The following DOCK1 variants were observed in gnomAD, a reference collection of about 807,000 sequenced individuals.
The protein encoded by DOCK1 is dedicator of cytokinesis 1.
DOCK1 carries 138 observed loss-of-function variants against 262.7 expected under a neutral mutation model. The ratio of observed to expected loss-of-function variants is 0.53; its 90% confidence interval spans 0.46 to 0.61. The LOEUF (loss-of-function observed/expected upper bound fraction) is 0.61, where lower values mean the gene tolerates loss of function less well. Among genes scored for constraint, DOCK1 ranks in the 20% least tolerant of loss-of-function variants. DOCK1 has a pLI of 0.00. For synonymous variants in DOCK1, 866 were observed against 867.4 expected, an observed-to-expected ratio of 1.00 and a Z score of 0.03; for missense variants, 1,908 against 2,370.7, an observed-to-expected ratio of 0.80 and a Z score of 4.05.
intron 25 of DOCK1, among the ~76,000 whole-genome samples, chr10:127,112,109 T>A (rs2048903929): frequency 6.6e-6 from 1 of 152,090 alleles, no homozygotes; most frequent in South Asian, 2.1e-4. Context: ...CCTCCTGGGT[T>A]CAAATGATTC....
intron 1 of DOCK1, among the ~76,000 whole-genome samples, chr10:126,953,317 T>C (rs1356129121): frequency 2.0e-5 from 3 of 151,148 alleles, no homozygotes; most frequent in Non-Finnish European, 4.4e-5. Flanking sequence ...GCAGTGGAGG[T>C]GGTAGTGGTG....
intron 27 of DOCK1, among the ~76,000 whole-genome samples, chr10:127,153,547 C>G (rs1357056217): frequency 6.6e-6 from 1 of 152,188 alleles, no homozygotes; most frequent in Non-Finnish European, 1.5e-5. Context: ...TACAGCCTTT[C>G]CAGAACACAG....
chr10:126,921,397 G>A (rs1307912456), intron 1 of DOCK1, among the ~76,000 whole-genome samples: 2 of 152,166 alleles, frequency 1.3e-5, no homozygotes, highest in Non-Finnish European at 2.9e-5. Context: ...GCTACAGCAT[G>A]GGTGAACCTT....
chr10:127,011,108 T>C (rs1591636690), intron 11 of DOCK1, among the ~76,000 whole-genome samples: 1 of 152,348 alleles, frequency 6.6e-6, no homozygotes, highest in East Asian at 1.9e-4. Flanking sequence ...TTGAAAAATA[T>C]GTTATTCCAT....
intron 10 of DOCK1, among the ~76,000 whole-genome samples, chr10:127,005,755 C>G (rs971056069): frequency 6.6e-6 from 1 of 151,938 alleles, no homozygotes; most frequent in Non-Finnish European, 1.5e-5. Context: ...ATTATTTTTT[C>G]TGTGTGTGGC....
chr10:127,252,816 A>G (rs941682452), intron 28 of DOCK1, among the ~76,000 whole-genome samples: 1 of 152,012 alleles, frequency 6.6e-6, no homozygotes, highest in African/African-American at 2.4e-5. Flanking sequence ...GAAGTCAGGT[A>G]GTGTGATGCC....
At chr10:127,228,565 T>G (rs1227275309) in intron 27 of DOCK1, among the ~76,000 whole-genome samples, 1 of 152,140 alleles carries the variant, frequency 6.6e-6, no homozygotes, top group African/African-American at 2.4e-5. Context: ...CCATGTCTTT[T>G]GATGATGTGA....
intron 27 of DOCK1, among the ~76,000 whole-genome samples, chr10:127,196,761 G>A (rs1358001335): frequency 2.6e-5 from 4 of 151,910 alleles, no homozygotes; most frequent in African/African-American, 4.8e-5. Flanking sequence ...GCCGCCGGCT[G>A]CCGCCGGCTG....
intron 1 of DOCK1, among the ~76,000 whole-genome samples, chr10:126,913,014 A>G (rs2032036923): frequency 6.9e-6 from 1 of 145,324 alleles, no homozygotes; most frequent in Admixed American, 7.0e-5. Flanking sequence ...CTGCAAGCCC[A>G]TGGGTCCCTG....
At chr10:127,138,077 C>T (rs1592169203) in intron 27 of DOCK1, 1 of 1,458,056 alleles carries the variant, frequency 6.9e-7, no homozygotes, top group East Asian at 2.3e-5. Flanking sequence ...ATGAAGATCC[C>T]TCTTAGTGTC....
chr10:127,373,913 CAG>C (rs748611227), intron 34 of DOCK1, 47 bp downstream of exon 34: 3 of 1,567,924 alleles, frequency 1.9e-6, no homozygotes, highest in Middle Eastern at 3.3e-4. Context: ...GATACAGAGA[CAG>C]AGAGACCGTA....
At chr10:127,178,963 A>G (rs1227083612) in intron 27 of DOCK1, among the ~76,000 whole-genome samples, 1 of 152,200 alleles carries the variant, frequency 6.6e-6, no homozygotes, top group African/African-American at 2.4e-5. Context: ...CTGATCTCCT[A>G]TTCATTCTTT....
chr10:127,238,589 A>AT (rs1590072339), intron 27 of DOCK1, among the ~76,000 whole-genome samples: 1 of 151,904 alleles, frequency 6.6e-6, no homozygotes, highest in Admixed American at 6.5e-5. Context: ...AGACACATGG[A>AT]TTTTTTTCTC....
At chr10:127,429,246 A>G (rs967728789) in intron 47 of DOCK1, among the ~76,000 whole-genome samples, 2 of 151,998 alleles carry the variant, frequency 1.3e-5, no homozygotes, top group African/African-American at 4.8e-5. Flanking sequence ...TGAAGGTTGC[A>G]TTTTCCACCC....
intron 27 of DOCK1, among the ~76,000 whole-genome samples, chr10:127,204,109 C>T (rs2057604037): frequency 6.6e-6 from 1 of 152,002 alleles, no homozygotes; most frequent in African/African-American, 2.4e-5. Flanking sequence ...TGGACGGAGG[C>T]TTCTGAGTGA....
chr10:127,451,465 C>A lies in DOCK1; in HGVS notation c.*38C>A. On this transcript the variant is annotated 3_prime_UTR_variant, in exon 52 of 52. Transcript: ENST00000623213. ...CTCTGGAAAGAGTGTGCTGCCCCTCCCCATCTCCATGCCCTCTCCTTCTGT... is the reference window on the plus strand; with the variant it reads ...CTCTGGAAAGAGTGTGCTGCCCCTCACCATCTCCATGCCCTCTCCTTCTGT... 2 of 1,553,026 alleles carry A rather than the reference C, an allele frequency of 1.3e-6. No homozygotes were observed. Among genetic ancestry groups the A allele is most frequent in the Non-Finnish European group, 8.7e-7 (1 of 1,148,536 alleles).
chr10:127,205,088 A>C (rs2057654132), intron 27 of DOCK1, among the ~76,000 whole-genome samples: 1 of 152,014 alleles, frequency 6.6e-6, no homozygotes, highest in African/African-American at 2.4e-5. Context: ...ACAATGAGGA[A>C]ATTTATTTTA....
chr10:126,919,004 G>A lies in DOCK1; in HGVS notation c.46+13441G>A, dbSNP rs184355485. ...CCGAGAGGGAGTGTGGGGGCCCTTC[G>A]GCCAAGCTTCTTGGCTGTCTAAAGA... On this transcript the variant is annotated intron_variant, in intron 1 of 51. Coordinates refer to ENST00000623213, the MANE Select transcript of DOCK1 (RefSeq NM_001290223.2). Among the ~76,000 whole-genome samples, 825 of 110,434 alleles carry A rather than the reference G, an allele frequency of 7.5e-3. 3 individuals carry two copies. Among genetic ancestry groups the A allele is most frequent in the Admixed American group, 0.015 (156 of 10,434 alleles). 72.4% of individuals were successfully genotyped at this position (110,434 alleles called of 152,430 possible).
intron 34 of DOCK1, 35 bp from the exon 35 acceptor site, chr10:127,374,023 G>A (rs1458519169): frequency 1.3e-6 from 2 of 1,575,632 alleles, no homozygotes; most frequent in African/African-American, 2.7e-5. Flanking sequence ...CTTTTTCTGA[G>A]TGTGATTAAC....
Sources: gnomAD v4.1 joint callset for allele counts (sites outside exome capture counted in the v4.1 genomes callset) on GRCh38, gnomAD v4.1.1 for gene constraint, MANE v1.5 for transcripts, NCBI Gene and HGNC (gene_info 2026-07-23, HGNC 2026-07-21) for gene names.